Variants in CBL observed in about 807,000 individuals in gnomAD.
CBL encodes the protein E3 ubiquitin-protein ligase CBL.
A neutral mutation model predicts 96.9 loss-of-function variants in CBL; 45 were observed. That is an observed-to-expected ratio of 0.46 (90% CI 0.37 to 0.60). The LOEUF is 0.60. Ranked by LOEUF, CBL falls within the 20% of genes least tolerant of loss-of-function variation. CBL has a pLI of 0.00. For missense variants in CBL, 1,024 were observed against 1,143.5 expected (o/e 0.90, Z 1.51); for synonymous variants, 420 against 426.8 (o/e 0.98, Z 0.20).
chr11:119,274,501 T>G (rs1326212015), intron 4 of CBL, among the ~76,000 whole-genome samples: 1 of 152,202 alleles, frequency 6.6e-6, no homozygotes. Context: ...GCATACACAT[T>G]TATTTGGAAC....
chr11:119,282,355 A>G (rs1322326802), intron 9 of CBL, among the ~76,000 whole-genome samples: 3 of 151,622 alleles, frequency 2.0e-5, no homozygotes, highest in Non-Finnish European at 4.4e-5. Flanking sequence ...AAAAAAAAAG[A>G]CTATTGCAAG....
intron 2 of CBL, among the ~76,000 whole-genome samples, chr11:119,264,649 T>G (rs1949787068): frequency 6.6e-6 from 1 of 150,600 alleles, no homozygotes; most frequent in African/African-American, 2.4e-5. Context: ...GCCCAGCTGA[T>G]TTTTGTTTTT....
rs533150203 is a variant in CBL at position 119,307,798 on chromosome 11, G to C, written c.*8017G>C. On this transcript the variant is annotated 3_prime_UTR_variant, in exon 16 of 16. Transcript: ENST00000264033. ...ATGAAGAGTCCCAATTTGTATATCA[G>C]TGTTAAGAAGAAAACAAAACAAACA... 1 of 214,136 alleles carries C rather than the reference G, an allele frequency of 4.7e-6. No individual in the cohort carries two copies. 13.3% of individuals were successfully genotyped at this position (214,136 alleles called of 1,614,324 possible).
chr11:119,261,686 A>G (rs1949755454), intron 2 of CBL, among the ~76,000 whole-genome samples: 1 of 152,202 alleles, frequency 6.6e-6, no homozygotes, highest in South Asian at 2.1e-4. Flanking sequence ...AATTGTGGGC[A>G]AATGCTCCAG....
chr11:119,299,319 TGAG>T (rs1394604262), intron 15 of CBL, among the ~76,000 whole-genome samples, 173 bp from the exon 16 acceptor site: 1 of 152,150 alleles, frequency 6.6e-6, no homozygotes, highest in East Asian at 1.9e-4. Context: ...TTTATTGTGA[TGAG>T]GAGGCTATAT....
chr11:119,228,601 C>G (rs1949477288), intron 1 of CBL, among the ~76,000 whole-genome samples: 1 of 147,492 alleles, frequency 6.8e-6, no homozygotes, highest in African/African-American at 2.6e-5. Flanking sequence ...AGCAAAACTC[C>G]ATCTCAAAAA....
intron 2 of CBL, among the ~76,000 whole-genome samples, chr11:119,249,238 G>A (rs991986271): frequency 9.2e-5 from 14 of 152,292 alleles, no homozygotes; most frequent in African/African-American, 3.4e-4. Flanking sequence ...TAGCCATATG[G>A]TGGAATATTA....
chr11:119,247,937 T>C (rs1949644641), intron 2 of CBL, among the ~76,000 whole-genome samples: 1 of 152,160 alleles, frequency 6.6e-6, no homozygotes, highest in Non-Finnish European at 1.5e-5. Context: ...GCAAAAGACT[T>C]GTACACTGGA....
rs994071648 is a variant in CBL at position 119,223,172 on chromosome 11, C to A, written c.196-9276C>A. On this transcript the variant is annotated intron_variant, in intron 1 of 15. Coordinates refer to ENST00000264033, the MANE Select transcript of CBL (RefSeq NM_005188.4). ...CAGCCTGGGTGACAGAGCAAACCAC[C>A]CCACACCCTTCCTTTTTTTTTTTTT... Among the ~76,000 whole-genome samples, 9 of 148,856 alleles carry A rather than the reference C, an allele frequency of 6.0e-5. No individual in the cohort carries two copies. In the East Asian group the frequency reaches 9.8e-4, roughly 16 times the overall value.
At chr11:119,282,731 T>C (rs1335565827) in intron 9 of CBL, among the ~76,000 whole-genome samples, 1 of 152,086 alleles carries the variant, frequency 6.6e-6, no homozygotes, top group East Asian at 1.9e-4. Context: ...AAGCTGATAG[T>C]GGTAAGCAGA....
chr11:119,218,178 T>G (rs1949378410), intron 1 of CBL, among the ~76,000 whole-genome samples: 1 of 152,164 alleles, frequency 6.6e-6, no homozygotes, highest in South Asian at 2.1e-4. Flanking sequence ...ATGTAGTAGT[T>G]GCTGGGGAGT....
At chr11:119,269,777 C>T (rs1372652219) in intron 2 of CBL, among the ~76,000 whole-genome samples, 2 of 152,072 alleles carry the variant, frequency 1.3e-5, no homozygotes, top group South Asian at 2.1e-4. Flanking sequence ...AGGCAGATCA[C>T]GAGGTCAGGA....
chr11:119,258,286 G>T (rs941551353), intron 2 of CBL, among the ~76,000 whole-genome samples: 1 of 152,136 alleles, frequency 6.6e-6, no homozygotes, highest in Non-Finnish European at 1.5e-5. Flanking sequence ...TAAAGAAAGA[G>T]ATTTAAGTGG....
chr11:119,230,017 T>C (rs2135264276), intron 1 of CBL, among the ~76,000 whole-genome samples: 1 of 152,318 alleles, frequency 6.6e-6, no homozygotes, highest in East Asian at 1.9e-4. Flanking sequence ...TAGTAAAGAC[T>C]TGAAAACAAA....
rs985412813 is a variant in CBL at position 119,278,221 on chromosome 11, G to A, written c.1151G>A (p.Cys384Tyr). Residue 384 changes from cysteine (C) to tyrosine (Y), a missense_variant, in exon 8 of 16, where the codon TGT becomes TAT. Around this residue, in one of 4 missense-constraint regions of CBL, gnomAD observed 695 missense variants for 661.6 expected, o/e 1.05. Transcript: ENST00000264033. ...TCCACATTCCAACTATGTAAAATAT[G>A]TGCTGAAAATGATAAGGATGTAAAG... The part of the protein sequence containing the change: ...MGSTFQLCKI[C>Y]AENDKDVKIE... 4 of 1,611,544 alleles carry A rather than the reference G, an allele frequency of 2.5e-6. No homozygotes were observed. The highest frequency in any genetic ancestry group is 1.7e-6 in the Non-Finnish European group (2 of 1,177,820).
At chr11:119,284,864 T>C in intron 9 of CBL, 105 bp from the exon 10 acceptor site, 1 of 1,377,116 alleles carries the variant, frequency 7.3e-7, no homozygotes, top group Non-Finnish European at 1.0e-6. Context: ...GGCCCATTTG[T>C]AGTTTAAGTG....
At chr11:119,212,391 TGAGGTGGGTGGATCACCTGAGGTCAG>T (rs1339014649) in intron 1 of CBL, among the ~76,000 whole-genome samples, 1 of 151,602 alleles carries the variant, frequency 6.6e-6, no homozygotes, top group African/African-American at 2.4e-5. Context: ...TTTGGGAGGC[TGAGGTGGGTGGATCACCTGAGGTCAG>T]GAGTTCAAGA....
At chr11:119,243,310 T>G (rs1949601318) in intron 2 of CBL, among the ~76,000 whole-genome samples, 1 of 152,020 alleles carries the variant, frequency 6.6e-6, no homozygotes, top group South Asian at 2.1e-4. Flanking sequence ...TTTTGCTTAA[T>G]AAGTTCACTG....
intron 2 of CBL, among the ~76,000 whole-genome samples, chr11:119,252,750 G>A (rs1565865196): frequency 1.8e-5 from 2 of 113,066 alleles, no homozygotes; most frequent in African/African-American, 7.1e-5. Context: ...GTGGTGGTAG[G>A]CGCCTGTAAT....
Sources: allele counts gnomAD v4.1 joint callset (sites outside exome capture counted in the v4.1 genomes callset), GRCh38; gene constraint gnomAD v4.1.1; regional missense constraint gnomAD v4.1.1; transcripts MANE v1.5; gene names NCBI Gene and HGNC (gene_info 2026-07-23, HGNC 2026-07-21).